LRCH2: variants seen among roughly 807,000 people sequenced by gnomAD.
LRCH2 encodes leucine rich repeats and calponin homology domain containing 2.
In LRCH2, 38 loss-of-function variants were observed where a neutral mutation model predicts 68.9. The ratio of observed to expected loss-of-function variants is 0.55; its 90% CI spans 0.43 to 0.72. The LOEUF (loss-of-function observed/expected upper bound fraction) is 0.72, where lower values mean the gene tolerates loss of function less well. Ranked by LOEUF, LRCH2 falls within the 30% of genes least tolerant of loss-of-function variation. The pLI is 0.00. For synonymous variants in LRCH2, 191 were observed against 208.1 expected (o/e 0.92, Z 0.71); for missense variants, 528 against 572.9 (o/e 0.92, Z 0.80).
intron 20 of LRCH2, among the ~76,000 whole-genome samples, chrX:115,120,356 C>T (rs1238030460): frequency 1.3e-4 from 10 of 79,628 alleles, no homozygotes; most frequent in African/African-American, 4.4e-4. Context: ...AAAAAGTGGG[C>T]GAAGGACATG....
At chrX:115,165,685 T>C (rs1238274996) in intron 8 of LRCH2, 30 bp from the exon 9 acceptor site, 1 of 1,022,966 alleles carries the variant, frequency 9.8e-7, no homozygotes, top group Non-Finnish European at 1.3e-6. Context: ...TATTAGAAAA[T>C]GTACATAGTA....
In LRCH2 at chrX:115,188,250, T is replaced by C. The variant is rs1159260754; in HGVS notation, c.470A>G (p.Gln157Arg). Residue 157 changes from glutamine (Q) to arginine (R), a missense_variant, in exon 2 of 21, where the codon CAG (glutamine) becomes CGG (arginine). Gln to Arg is a conservative substitution (Grantham distance 43). Coordinates refer to ENST00000317135, the MANE Select transcript of LRCH2 (RefSeq NM_020871.4). ...KTIPEAIKNL[Q>R]MLTYLNISRN... Reference sequence around the variant, plus strand: ...CCTAATGTTAAGGTATGTTAACATCTGCAGATTTTTAATGGCTTCAGGAAT... The same window carrying C: ...CCTAATGTTAAGGTATGTTAACATCCGCAGATTTTTAATGGCTTCAGGAAT... The C allele has an allele frequency of 6.8e-6, 8 of 1,171,390 alleles. No individual in the cohort carries two copies. The highest frequency in any genetic ancestry group is 5.0e-5 in the Admixed American group (2 of 39,971).
At position 115,122,883 on chromosome X, in the gene LRCH2, C is replaced by T. The variant is rs1556526484; in HGVS notation, c.1977G>A (p.Arg659=). The T allele has an allele frequency of 8.3e-7, 1 of 1,204,195 alleles. No individual in the cohort carries two copies. The highest frequency in any genetic ancestry group is 1.8e-5 in the African/African-American group (1 of 57,058). The part of the protein sequence containing the change: ...IRQLRNNLES[R]LKVILPDDIG... The stretch of plus-strand genomic sequence containing the variant: ...TGTCATCAGGCAAAATTACTTTTAA[C>T]CTGGATTCAAGATTCTATAGAAAAA... Residue 659 remains arginine (R), a synonymous_variant, in exon 19 of 21, where the codon AGG becomes AGA. Coordinates refer to ENST00000317135, the MANE Select transcript of LRCH2 (RefSeq NM_020871.4).
At position 115,111,143 on chromosome X, in the gene LRCH2, C is replaced by T. The variant is rs2072040151; in HGVS notation, c.*2073G>A. The T allele has an allele frequency of 9.0e-6, 1 of 111,514 alleles. No individual in the cohort carries two copies. The highest frequency in any genetic ancestry group is 1.9e-5 in the Non-Finnish European group (1 of 53,096). The allele number at this position is 111,514 out of a possible 1,213,427, so 9.2% of individuals were successfully genotyped here. ...CTTTAGACGTGGTGTTGCCATTTGG[C>T]ACAAGAGTAAATGAACTGCCATGAT... On this transcript the variant is annotated 3_prime_UTR_variant, in exon 21 of 21. Transcript: ENST00000317135.
At chrX:115,190,664 G>A (rs1556557829) in intron 1 of LRCH2, 6 of 519,559 alleles carry the variant, frequency 1.2e-5, no homozygotes, top group South Asian at 3.6e-5. Context: ...AACAGTTCCA[G>A]CAACAGTTAC....
At chrX:115,192,054 C>T (rs2072837885) in intron 1 of LRCH2, 2 of 1,165,447 alleles carry the variant, frequency 1.7e-6, no homozygotes, top group Non-Finnish European at 2.3e-6. Flanking sequence ...CGCACGACAC[C>T]CACAGCAGGG....
chrX:115,197,847 T>TCTCTCTCTCTCTCTCTCACACACA (rs782358260), intron 1 of LRCH2, among the ~76,000 whole-genome samples: 6 of 20,565 alleles, frequency 2.9e-4, no homozygotes, highest in Non-Finnish European at 4.9e-4. Context: ...TCTCTCTCTC[T>TCTCTCTCTCTCTCTCTCACACACA]CACACACACA....
At chrX:115,175,016 G>T (rs995439277) in intron 5 of LRCH2, among the ~76,000 whole-genome samples, 1 of 111,483 alleles carries the variant, frequency 9.0e-6, no homozygotes, top group Non-Finnish European at 1.9e-5. Flanking sequence ...GATCACCAAT[G>T]GCCAATGATG....
At chrX:115,182,802 C>T (rs1473835896) in intron 3 of LRCH2, among the ~76,000 whole-genome samples, 2 of 98,543 alleles carry the variant, frequency 2.0e-5, no homozygotes, top group Non-Finnish European at 4.0e-5. Context: ...CACTGCACTC[C>T]ACCCTGGGCG....
chrX:115,218,600 G>A (rs1306534564), intron 1 of LRCH2, among the ~76,000 whole-genome samples: 3 of 112,333 alleles, frequency 2.7e-5, no homozygotes, highest in African/African-American at 6.5e-5. Flanking sequence ...CTGATTGCAC[G>A]CCAAGTCTTC....
rs1036167560 is a variant in LRCH2, at chrX:115,171,587, T to C, written c.865-1155A>G. Among the ~76,000 whole-genome samples, 124 of 111,612 alleles carry C rather than the reference T, an allele frequency of 1.1e-3. 1 individual carries two copies. Among genetic ancestry groups the C allele is most frequent in the African/African-American group, 3.7e-3 (113 of 30,828 alleles). On this transcript the variant is annotated intron_variant, in intron 5 of 20. Coordinates refer to ENST00000317135, the MANE Select transcript of LRCH2 (RefSeq NM_020871.4). ...TCTTGTAAATTTTAACTTTTTATCA[T>C]AGTACTTCATGTACACAGTTTTTAA...
chrX:115,193,282 C>T (rs994593097), intron 1 of LRCH2, among the ~76,000 whole-genome samples: 7 of 111,983 alleles, frequency 6.3e-5, no homozygotes, highest in Non-Finnish European at 9.4e-5. Context: ...ATTTACATAC[C>T]GATGAATTGC....
intron 14 of LRCH2, among the ~76,000 whole-genome samples, chrX:115,142,375 A>G (rs1333255909): frequency 1.8e-5 from 2 of 112,260 alleles, no homozygotes; most frequent in African/African-American, 6.5e-5. Flanking sequence ...TCTTCTCCTC[A>G]GCACATGGAT....
intron 3 of LRCH2, among the ~76,000 whole-genome samples, chrX:115,183,278 T>C (rs1275270438): frequency 8.9e-6 from 1 of 111,880 alleles, no homozygotes; most frequent in Non-Finnish European, 1.9e-5. Context: ...GAATAAAAGG[T>C]ATTCCTGAAA....
chrX:115,117,510 T>C (rs1290657478), intron 20 of LRCH2, among the ~76,000 whole-genome samples: 4 of 111,675 alleles, frequency 3.6e-5, no homozygotes, highest in Non-Finnish European at 7.6e-5. Flanking sequence ...AGCAGCTTTA[T>C]TTGTAGCAGC....
In LRCH2 at chrX:115,156,535, A is replaced by T. The variant is rs782197556; in HGVS notation, c.1529+67T>A. On this transcript the variant is annotated intron_variant, in intron 12 of 20. Coordinates refer to ENST00000317135, the MANE Select transcript of LRCH2 (RefSeq NM_020871.4). ...ATTTAATTAAAGCCTATATACAAAA[A>T]CATCACTGTCAAAGGATCAATACTC... The T allele has an allele frequency of 1.9e-3, 1,287 of 692,482 alleles. 1 individual carries two copies. The highest frequency in any genetic ancestry group is 2.5e-3 in the Non-Finnish European group (1,192 of 477,702). The allele number at this position is 692,482 out of a possible 1,213,427, so 57.1% of individuals were successfully genotyped here.
At chrX:115,222,433 A>G (rs370982660) in intron 1 of LRCH2, among the ~76,000 whole-genome samples, 162 of 112,215 alleles carry the variant, frequency 1.4e-3, no homozygotes, top group African/African-American at 5.1e-3. Flanking sequence ...AAACAGAAAT[A>G]AAAGGCTCCA....
intron 1 of LRCH2, chrX:115,191,093 G>C: frequency 8.6e-7 from 1 of 1,165,873 alleles, no homozygotes; most frequent in Middle Eastern, 2.3e-4. Context: ...GGAGGAGAAG[G>C]CCGCTATGAG....
chrX:115,177,328 G>T lies in LRCH2; in HGVS notation c.864+2099C>A, dbSNP rs782328014. 6.3e-5 allele frequency among the ~76,000 whole-genome samples: 7 copies of T among 110,610 alleles called. No individual in the cohort carries two copies. The East Asian group carries it at 2.0e-3, about 32-fold the overall frequency. On this transcript the variant is annotated intron_variant, in intron 5 of 20. Coordinates refer to ENST00000317135, the MANE Select transcript of LRCH2 (RefSeq NM_020871.4). ...CTGATGGTGAGCTTCCATCTATCTG[G>T]TGATCAGACACAGACTAGCCATTTC...
Sources: gnomAD v4.1 joint callset for allele counts (sites outside exome capture counted in the v4.1 genomes callset) on GRCh38, gnomAD v4.1.1 for gene constraint, MANE v1.5 for transcripts, NCBI Gene and HGNC (gene_info 2026-07-23, HGNC 2026-07-21) for gene names.